Variants in ERC2 observed in about 807,000 individuals in gnomAD.
The protein encoded by ERC2 is ERC protein 2.
ERC2 carries 42 observed loss-of-function variants against 114.8 expected under a neutral mutation model. The ratio of observed to expected loss-of-function variants is 0.37; its 90% CI spans 0.29 to 0.47. ERC2 has a LOEUF of 0.47. ERC2 is among the 20% of genes least tolerant of loss of function. The pLI, the probability that ERC2 is intolerant of heterozygous loss-of-function variation, is 0.99. For synonymous variants in ERC2, 454 were observed against 425.5 expected (o/e 1.07, Z -0.82); for missense variants, 939 against 1,150.7 (o/e 0.82, Z 2.66).
chr3:56,188,701 G>T (rs909463664), intron 3 of ERC2, among the ~76,000 whole-genome samples: 1 of 152,164 alleles, frequency 6.6e-6, no homozygotes, highest in Non-Finnish European at 1.5e-5. Context: ...GAATTGGAAA[G>T]CACCATGGGA....
chr3:56,190,974 G>A (rs1391233704), intron 3 of ERC2, among the ~76,000 whole-genome samples: 2 of 152,166 alleles, frequency 1.3e-5, no homozygotes, highest in South Asian at 2.1e-4. Flanking sequence ...ATAAGTCAAT[G>A]CAGGAAGAGC....
chr3:55,836,909 A>C (rs1413735787), intron 14 of ERC2, among the ~76,000 whole-genome samples: 3 of 152,172 alleles, frequency 2.0e-5, no homozygotes, highest in Non-Finnish European at 2.9e-5. Context: ...AATTTACAAG[A>C]AAAAAACTAA....
chr3:55,512,950 G>C (rs1049214812), intron 17 of ERC2, among the ~76,000 whole-genome samples: 4 of 152,300 alleles, frequency 2.6e-5, no homozygotes, highest in East Asian at 3.9e-4. Context: ...ATCCCTTCTG[G>C]GGGGGCAAAG....
intron 6 of ERC2, among the ~76,000 whole-genome samples, chr3:56,089,465 A>T (rs934802220): frequency 2.9e-4 from 44 of 152,308 alleles, no homozygotes; most frequent in African/African-American, 1.1e-3. Context: ...AAAAAGAAAC[A>T]TTGAAATTAA....
At chr3:56,059,490 G>T (rs559894608) in intron 7 of ERC2, among the ~76,000 whole-genome samples, 1 of 152,268 alleles carries the variant, frequency 6.6e-6, no homozygotes, top group South Asian at 2.1e-4. Flanking sequence ...AAGTGACTTT[G>T]GACAACTTAC....
chr3:55,613,186 C>T (rs2058978177), intron 17 of ERC2: 1 of 152,206 alleles, frequency 6.6e-6, no homozygotes, highest in African/African-American at 2.4e-5. Context: ...AGAATACCAG[C>T]TGAGAACTAA....
At chr3:56,238,845 T>C (rs1222664115) in intron 3 of ERC2, among the ~76,000 whole-genome samples, 2 of 152,308 alleles carry the variant, frequency 1.3e-5, no homozygotes, top group East Asian at 3.9e-4. Context: ...GACATAAAAA[T>C]TGCAATTCAA....
chr3:56,430,603 T>C (rs2061750769), intron 2 of ERC2, among the ~76,000 whole-genome samples: 1 of 151,510 alleles, frequency 6.6e-6, no homozygotes, highest in African/African-American at 2.4e-5. Flanking sequence ...GCCTGGGCAA[T>C]ATAGGGAGAC....
At chr3:56,095,171 A>C (rs1476536099) in intron 6 of ERC2, among the ~76,000 whole-genome samples, 2 of 152,300 alleles carry the variant, frequency 1.3e-5, no homozygotes, top group East Asian at 1.9e-4. Context: ...AGGAGGCTGC[A>C]GTGAGCTATG....
intron 1 of ERC2, among the ~76,000 whole-genome samples, chr3:56,440,309 C>T (rs551416171): frequency 9.4e-4 from 143 of 152,112 alleles, no homozygotes; most frequent in African/African-American, 3.0e-3. Context: ...TTTGGGAGGC[C>T]GAGGCGGGTG....
intron 14 of ERC2, among the ~76,000 whole-genome samples, chr3:55,825,498 G>A (rs2060289885): frequency 6.6e-6 from 1 of 152,190 alleles, no homozygotes; most frequent in South Asian, 2.1e-4. Flanking sequence ...ATATCTGGAT[G>A]TCTGCATAAC....
intron 15 of ERC2, among the ~76,000 whole-genome samples, chr3:55,720,338 T>G (rs1368551277): frequency 7.3e-6 from 1 of 136,266 alleles, no homozygotes; most frequent in African/African-American, 2.8e-5. Flanking sequence ...TCAAGCTGAG[T>G]GCAGTGACGC....
intron 14 of ERC2, among the ~76,000 whole-genome samples, chr3:55,819,080 C>T (rs993229170): frequency 2.0e-5 from 3 of 152,170 alleles, no homozygotes; most frequent in African/African-American, 2.4e-5. Context: ...TGGGCATTTT[C>T]GGCTATGGTT....
chr3:56,362,502 A>G (rs974634598), intron 2 of ERC2, among the ~76,000 whole-genome samples: 8 of 152,296 alleles, frequency 5.3e-5, no homozygotes, highest in African/African-American at 1.7e-4. Context: ...TGGGGAAGGA[A>G]AGAGATAAGG....
intron 14 of ERC2, among the ~76,000 whole-genome samples, chr3:55,736,204 C>G (rs752821134): frequency 6.6e-6 from 1 of 152,198 alleles, no homozygotes; most frequent in South Asian, 2.1e-4. Flanking sequence ...TTGCATCACT[C>G]TTTAGACTTG....
At chr3:56,058,479 T>C (rs963508153) in intron 7 of ERC2, among the ~76,000 whole-genome samples, 1 of 152,238 alleles carries the variant, frequency 6.6e-6, no homozygotes, top group African/African-American at 2.4e-5. Flanking sequence ...ATGTGACTGT[T>C]AATTTTATGT....
At chr3:56,408,066 T>C (rs891212021) in intron 2 of ERC2, among the ~76,000 whole-genome samples, 8 of 152,170 alleles carry the variant, frequency 5.3e-5, no homozygotes, top group Non-Finnish European at 1.0e-4. Context: ...TTTATAATGA[T>C]GTATTTTTGT....
At chr3:56,345,376 G>A (rs983279646) in intron 2 of ERC2, among the ~76,000 whole-genome samples, 2 of 152,146 alleles carry the variant, frequency 1.3e-5, no homozygotes, top group Non-Finnish European at 2.9e-5. Context: ...TGGTTGAAAG[G>A]GCAAGCATTG....
chr3:55,990,934 G>A (rs1342157132), intron 11 of ERC2, among the ~76,000 whole-genome samples: 1 of 152,114 alleles, frequency 6.6e-6, no homozygotes, highest in Non-Finnish European at 1.5e-5. Flanking sequence ...CTCTACGAAA[G>A]ATTTTTAAAA....
Sources: gnomAD v4.1 joint callset for allele counts (sites outside exome capture counted in the v4.1 genomes callset) on GRCh38, gnomAD v4.1.1 for gene constraint, MANE v1.5 for transcripts, NCBI Gene and HGNC (gene_info 2026-07-23, HGNC 2026-07-21) for gene names.